CSMD3: variants seen among roughly 807,000 people sequenced by gnomAD.
CSMD3 encodes CUB and sushi domain-containing protein 3.
In CSMD3, 177 loss-of-function variants were observed where a neutral mutation model predicts 435.2. The ratio of observed to expected loss-of-function variants is 0.41; its 90% CI spans 0.36 to 0.46. The LOEUF (loss-of-function observed/expected upper bound fraction) is 0.46, where lower values mean the gene tolerates loss of function less well. CSMD3 is among the 20% of genes least tolerant of loss of function. The probability of loss-of-function intolerance (pLI) is 0.34; values close to 1 mark genes in which losing one functional copy is unlikely to be tolerated. For synonymous variants in CSMD3, 1,656 were observed against 1,520.5 expected (o/e 1.09, Z -2.07); for missense variants, 4,265 against 4,504.6 (o/e 0.95, Z 1.52).
At chr8:113,344,283 G>C (rs1485673772) in intron 1 of CSMD3, among the ~76,000 whole-genome samples, 1 of 151,998 alleles carries the variant, frequency 6.6e-6, no homozygotes, top group Non-Finnish European at 1.5e-5. Flanking sequence ...AATTTTTCTA[G>C]TAATTGTGGG....
At chr8:113,030,152 T>G (rs2087032565) in intron 5 of CSMD3, among the ~76,000 whole-genome samples, 1 of 151,002 alleles carries the variant, frequency 6.6e-6, no homozygotes. Flanking sequence ...TGGAAACACA[T>G]CCCATGCTCA....
intron 14 of CSMD3, among the ~76,000 whole-genome samples, chr8:112,688,344 T>C (rs907619536): frequency 6.6e-6 from 1 of 152,130 alleles, no homozygotes; most frequent in Non-Finnish European, 1.5e-5. Flanking sequence ...AATTTGTTAG[T>C]ACCACACTCA....
At chr8:112,377,296 A>T (rs1236347575) in intron 38 of CSMD3, among the ~76,000 whole-genome samples, 1 of 152,148 alleles carries the variant, frequency 6.6e-6, no homozygotes, top group Non-Finnish European at 1.5e-5. Flanking sequence ...CCAAGACTAA[A>T]TTTTAAGGAA....
chr8:112,604,593 A>G (rs965236162), intron 22 of CSMD3, among the ~76,000 whole-genome samples: 2 of 152,124 alleles, frequency 1.3e-5, no homozygotes, highest in African/African-American at 4.8e-5. Flanking sequence ...TATGGAGAAG[A>G]TTGAAACTTT....
At chr8:113,221,486 T>C (rs567004881) in intron 3 of CSMD3, among the ~76,000 whole-genome samples, 4 of 151,186 alleles carry the variant, frequency 2.6e-5, no homozygotes, top group Non-Finnish European at 4.4e-5. Flanking sequence ...TGTTTTTATT[T>C]TTGCCATTTT....
intron 59 of CSMD3, among the ~76,000 whole-genome samples, chr8:112,278,216 T>C (rs1818273345): frequency 6.6e-6 from 1 of 152,096 alleles, no homozygotes; most frequent in Non-Finnish European, 1.5e-5. Flanking sequence ...TGAGGGACTT[T>C]TTTGTTGTTG....
At chr8:112,854,289 T>C (rs2080583709) in intron 11 of CSMD3, among the ~76,000 whole-genome samples, 1 of 152,200 alleles carries the variant, frequency 6.6e-6, no homozygotes, top group Non-Finnish European at 1.5e-5. Context: ...GGTTTGCTTA[T>C]TTTTTGGTCT....
At chr8:112,750,871 G>A (rs758192881) in intron 13 of CSMD3, among the ~76,000 whole-genome samples, 1 of 152,004 alleles carries the variant, frequency 6.6e-6, no homozygotes, top group South Asian at 2.1e-4. Context: ...CTTATATGTG[G>A]CCTTTTTTTC....
rs2082029386 is a variant in CSMD3, at chr8:112,899,072, A to G, written c.1633+22555T>C. On this transcript the variant is annotated intron_variant, in intron 10 of 70. Coordinates refer to ENST00000297405, the MANE Select transcript of CSMD3 (RefSeq NM_198123.2). ...TCAATTTCTTATACAAATAAGCCAC[A>G]ACTCGGACATGTACACCATGAAATG... is the stretch of plus-strand genomic sequence containing the variant. Among the ~76,000 whole-genome samples the G allele has an allele frequency of 5.3e-5, 8 of 151,258 alleles. No individual in the cohort carries two copies. In the Admixed American group the frequency reaches 5.3e-4, roughly 10 times the overall value.
chr8:112,269,398 C>T (rs1399172845), intron 59 of CSMD3, among the ~76,000 whole-genome samples: 1 of 152,124 alleles, frequency 6.6e-6, no homozygotes, highest in Non-Finnish European at 1.5e-5. Context: ...ACAAGACTTC[C>T]CAGATGCAGG....
chr8:112,454,699 A>G (rs998820299), intron 32 of CSMD3, among the ~76,000 whole-genome samples: 1 of 152,136 alleles, frequency 6.6e-6, no homozygotes, highest in Non-Finnish European at 1.5e-5. Flanking sequence ...CAAAGAACTT[A>G]AAAATACCTA....
chr8:112,318,250 G>A (rs1423851384), intron 47 of CSMD3, among the ~76,000 whole-genome samples: 1 of 151,676 alleles, frequency 6.6e-6, no homozygotes, highest in African/African-American at 2.4e-5. Flanking sequence ...CTTCCATCAA[G>A]CTTTCCCTAC....
chr8:112,849,060 A>G (rs892842627), intron 11 of CSMD3, among the ~76,000 whole-genome samples: 3 of 152,140 alleles, frequency 2.0e-5, no homozygotes, highest in African/African-American at 7.2e-5. Context: ...TTTTAAAGCC[A>G]TAATCAATAC....
intron 30 of CSMD3, among the ~76,000 whole-genome samples, chr8:112,498,292 TAGAG>T (rs1821578665): frequency 6.6e-6 from 1 of 152,008 alleles, no homozygotes; most frequent in Admixed American, 6.6e-5. Flanking sequence ...GAATCTAGAG[TAGAG>T]TAAGTGCATA....
At chr8:112,319,865 A>G (rs1010693158) in intron 46 of CSMD3, 36 bp downstream of exon 46, 7 of 1,411,074 alleles carry the variant, frequency 5.0e-6, no homozygotes, top group Non-Finnish European at 7.0e-6. Context: ...TTCTGCCAGC[A>G]GTATGTTTTC....
intron 13 of CSMD3, 144 bp from the exon 14 acceptor site, chr8:112,690,194 G>A (rs1172951344): frequency 9.3e-6 from 6 of 648,298 alleles, no homozygotes; most frequent in African/African-American, 1.9e-5. Context: ...TTTTTTTTTG[G>A]CCATTCTTAC....
intron 22 of CSMD3, among the ~76,000 whole-genome samples, chr8:112,612,532 C>G (rs1392078006): frequency 6.6e-6 from 1 of 151,776 alleles, no homozygotes; most frequent in Non-Finnish European, 1.5e-5. Context: ...GCAAGCAGAC[C>G]CTCTCGAATT....
At chr8:113,406,537 G>A (rs954399429) in intron 1 of CSMD3, among the ~76,000 whole-genome samples, 1 of 151,964 alleles carries the variant, frequency 6.6e-6, no homozygotes, top group Non-Finnish European at 1.5e-5. Context: ...CTGGAGTAAA[G>A]CAATGTGGGT....
intron 22 of CSMD3, among the ~76,000 whole-genome samples, chr8:112,621,227 C>T (rs1018972559): frequency 7.2e-5 from 11 of 151,864 alleles, no homozygotes; most frequent in Admixed American, 3.9e-4. Flanking sequence ...AAGAGCGAAA[C>T]TCTGTCTCAA....
Sources: gnomAD v4.1 joint callset for allele counts (sites outside exome capture counted in the v4.1 genomes callset) on GRCh38, gnomAD v4.1.1 for gene constraint, MANE v1.5 for transcripts, NCBI Gene and HGNC (gene_info 2026-07-23, HGNC 2026-07-21) for gene names.